The following SLC35F5 variants were observed in gnomAD, a reference collection of about 807,000 sequenced individuals.
SLC35F5 encodes the protein HCV NS5A-transactivated protein 3.
A neutral mutation model predicts 68.6 loss-of-function variants in SLC35F5; 54 were observed. The observed-to-expected ratio is 0.79, with a 90% CI of 0.63 to 0.99. The LOEUF is 0.99. SLC35F5 is among the 50% of genes least tolerant of loss of function. SLC35F5 has a pLI of 0.00. For missense variants in SLC35F5, 567 were observed against 626.9 expected (o/e 0.90, Z 1.02); for synonymous variants, 211 against 205.2 (o/e 1.03, Z -0.24).
intron 3 of SLC35F5, among the ~76,000 whole-genome samples, chr2:113,752,521 G>C (rs1042432941): frequency 7.2e-5 from 11 of 152,078 alleles, no homozygotes; most frequent in African/African-American, 2.7e-4. Flanking sequence ...CCTAAATCAA[G>C]ACTTTACACC....
intron 15 of SLC35F5, among the ~76,000 whole-genome samples, chr2:113,716,457 C>A (rs1264174964): frequency 6.6e-6 from 1 of 152,168 alleles, no homozygotes; most frequent in Non-Finnish European, 1.5e-5. Flanking sequence ...ACACTGACTA[C>A]AGATCTATCC....
Position 113,735,834 on chromosome 2 carries a change from G to A in SLC35F5, c.775C>T (p.Gln259Ter), listed in dbSNP as rs778972826. The part of the protein sequence containing the change: ...FVWFLANLSY[Q>*]EALSDTQVAI... ...ACTTGTGTGTCTGAAAGTGCTTCTT[G>A]ATATGACAAATTTGCCAAAAACCAC... The change falls in exon 8 of 16, where the codon CAA becomes TAA. Residue 259 changes from glutamine (Q) to a stop codon, truncating the protein, a stop_gained. Coordinates refer to ENST00000245680, the MANE Select transcript of SLC35F5 (RefSeq NM_025181.5). LOFTEE classifies it high-confidence loss of function. The A allele has an allele frequency of 6.2e-7, 1 of 1,609,366 alleles. No individual in the cohort carries two copies. The highest frequency in any genetic ancestry group is 8.5e-7 in the Non-Finnish European group (1 of 1,178,070).
At position 113,714,679 on chromosome 2, in the gene SLC35F5, A is replaced by C. The variant is rs1316774833; in HGVS notation, c.*539T>G. On this transcript the variant is annotated 3_prime_UTR_variant, in exon 16 of 16. Transcript: ENST00000245680. ...CTTATTCTTTTTAAAGTCCCATGAA[A>C]TTTGCACAAACATGCTTGTTGCATA... The C allele has an allele frequency of 6.6e-6, 1 of 152,130 alleles. No homozygotes were observed. The highest frequency in any genetic ancestry group is 1.5e-5 in the Non-Finnish European group (1 of 67,986). The allele number at this position is 152,130 out of a possible 1,614,324, so 9.4% of individuals were successfully genotyped here.
intron 14 of SLC35F5, among the ~76,000 whole-genome samples, chr2:113,718,844 A>G (rs2104971573): frequency 6.6e-6 from 1 of 150,588 alleles, no homozygotes; most frequent in Non-Finnish European, 1.5e-5. Context: ...AAAGAAAAGG[A>G]AAGAAAAAGA....
Position 113,752,114 on chromosome 2 carries a change from A to C in SLC35F5, c.274-1546T>G, listed in dbSNP as rs989889690. ...ATAATCCCAGCTACTCAGAAGGCTG[A>C]GGCAGGAGAATTGCTTGAACCTGGG... On this transcript the variant is annotated intron_variant, in intron 3 of 15. Transcript: ENST00000245680. Among the ~76,000 whole-genome samples the C allele has an allele frequency of 2.6e-5, 4 of 151,652 alleles. No individual in the cohort carries two copies. The South Asian group carries it at 8.4e-4, about 32-fold the overall frequency.
chr2:113,753,898 A>G (rs1051449862), intron 3 of SLC35F5, among the ~76,000 whole-genome samples: 15 of 152,208 alleles, frequency 9.9e-5, no homozygotes, highest in Non-Finnish European at 2.1e-4. Flanking sequence ...TTTGAGGTAG[A>G]AGTACAAAAT....
chr2:113,725,301 C>T, intron 12 of SLC35F5, 77 bp downstream of exon 12: 1 of 1,412,404 alleles, frequency 7.1e-7, no homozygotes, highest in South Asian at 1.3e-5. Flanking sequence ...GGGCCACCAG[C>T]AAACAGACAA....
chr2:113,743,610 T>C, intron 6 of SLC35F5, 103 bp downstream of exon 6: 1 of 776,838 alleles, frequency 1.3e-6, no homozygotes, highest in Non-Finnish European at 2.1e-6. Flanking sequence ...CAAGACCACA[T>C]GGAGCAGAAC....
intron 12 of SLC35F5, 87 bp downstream of exon 12, chr2:113,725,291 G>A (rs1687615716): frequency 8.0e-7 from 1 of 1,257,662 alleles, no homozygotes; most frequent in South Asian, 1.3e-5. Context: ...TGCACAGGAA[G>A]GGCCACCAGC....
At chr2:113,728,846 A>C (rs1233066437) in intron 11 of SLC35F5, among the ~76,000 whole-genome samples, 1 of 152,234 alleles carries the variant, frequency 6.6e-6, no homozygotes. Flanking sequence ...GCAAAGGAAA[A>C]TTTATAAACC....
At chr2:113,735,152 T>C (rs748379647) in intron 8 of SLC35F5, among the ~76,000 whole-genome samples, 4 of 152,266 alleles carry the variant, frequency 2.6e-5, no homozygotes, top group South Asian at 4.1e-4. Flanking sequence ...CTGGAAAGGA[T>C]GTGTGAAGGG....
intron 2 of SLC35F5, 73 bp from the exon 3 acceptor site, chr2:113,755,379 T>C: frequency 1.2e-6 from 2 of 1,604,342 alleles, no homozygotes; most frequent in East Asian, 2.2e-5. Context: ...AGAACATTAG[T>C]ATAACAGAAA....
At chr2:113,745,109 C>T (rs1434515665) in intron 5 of SLC35F5, among the ~76,000 whole-genome samples, 1 of 152,148 alleles carries the variant, frequency 6.6e-6, no homozygotes, top group African/African-American at 2.4e-5. Flanking sequence ...GTTTTCATTA[C>T]GGCATCTGGC....
At chr2:113,731,338 G>A (rs1421301709) in intron 10 of SLC35F5, among the ~76,000 whole-genome samples, 3 of 152,058 alleles carry the variant, frequency 2.0e-5, no homozygotes, top group African/African-American at 2.4e-5. Flanking sequence ...CATAATCAAC[G>A]TTAATTTCTG....
At chr2:113,753,168 CTTTT>C (rs1173478465) in intron 3 of SLC35F5, among the ~76,000 whole-genome samples, 2 of 49,074 alleles carry the variant, frequency 4.1e-5, no homozygotes, top group African/African-American at 1.7e-4. Flanking sequence ...GTTTGTTTTT[CTTTT>C]TTTTTTTTTT....
chr2:113,714,206 G>A lies in SLC35F5; in HGVS notation c.*1012C>T, dbSNP rs567786154. ...GATTTTAAAAACAGAATCCCTTCTC[G>A]CCTTACTTACTTGGTACTTTAACCA... On this transcript the variant is annotated 3_prime_UTR_variant, in exon 16 of 16. Coordinates refer to ENST00000245680, the MANE Select transcript of SLC35F5 (RefSeq NM_025181.5). 2 of 152,116 alleles carry A rather than the reference G, an allele frequency of 1.3e-5. No homozygotes were observed. The highest frequency in any genetic ancestry group is 1.9e-4 in the East Asian group (1 of 5,190). The allele number at this position is 152,116 out of a possible 1,614,324, so 9.4% of individuals were successfully genotyped here.
Position 113,708,726 on chromosome 2 carries a change from AATAAAAT to A in SLC35F5, c.*6485_*6491del, listed in dbSNP as rs202028370. Among the ~76,000 whole-genome samples the A allele has an allele frequency of 9.8e-3, 1,494 of 152,286 alleles. 33 individuals carry two copies. The highest frequency in any genetic ancestry group is 0.034 in the African/African-American group (1,427 of 41,564). On this transcript the variant is annotated 3_prime_UTR_variant, in exon 16 of 16. Coordinates refer to ENST00000245680, the MANE Select transcript of SLC35F5 (RefSeq NM_025181.5). The stretch of plus-strand genomic sequence containing the variant: ...GTCTCAAAAAAAATAAAAAATAAAA[AATAAAAT>A]ACTGCATAATTACATGCTATAGTAA...
rs1348223232 is a variant in SLC35F5, at chr2:113,709,750, C to G, written c.*5468G>C. On this transcript the variant is annotated 3_prime_UTR_variant, in exon 16 of 16. Coordinates refer to ENST00000245680, the MANE Select transcript of SLC35F5 (RefSeq NM_025181.5). ...TTAGAAAGGCAAATTACCAGGCCCA[C>G]CATCCCCACCGCCAGACCTACTGAA... 6.6e-6 allele frequency among the ~76,000 whole-genome samples: 1 copy of G among 152,170 alleles called. No individual in the cohort carries two copies. The highest frequency in any genetic ancestry group is 2.4e-5 in the African/African-American group (1 of 41,438).
At chr2:113,703,303 A>G (rs994467570), downstream of SLC35F5, among the ~76,000 whole-genome samples, 4 of 152,182 alleles carry the variant, frequency 2.6e-5, no homozygotes, top group African/African-American at 9.7e-5. Flanking sequence ...TACAACCCCT[A>G]TTGTTACAGT....
Sources: allele counts gnomAD v4.1 joint callset (sites outside exome capture counted in the v4.1 genomes callset), GRCh38; gene constraint gnomAD v4.1.1; transcripts MANE v1.5; gene names NCBI Gene and HGNC (gene_info 2026-07-23, HGNC 2026-07-21).